The following CNTN4 variants were observed in gnomAD, a reference collection of about 807,000 sequenced individuals.
CNTN4 encodes contactin 4.
Under a neutral mutation model 122.5 loss-of-function variants are expected in CNTN4, and 77 were observed. The ratio of observed to expected loss-of-function variants is 0.63; its 90% CI spans 0.52 to 0.76. The LOEUF is 0.76. CNTN4 is among the 30% of genes least tolerant of loss of function. The pLI, the probability that CNTN4 is intolerant of heterozygous loss-of-function variation, is 0.00. For synonymous variants in CNTN4, 512 were observed against 447.0 expected, an observed-to-expected ratio of 1.15 and a Z score of -1.83; for missense variants, 1,256 against 1,259.1, an observed-to-expected ratio of 1.00 and a Z score of 0.04.
chr3:2,924,200 A>G (rs996310700), intron 12 of CNTN4, among the ~76,000 whole-genome samples: 4 of 152,144 alleles, frequency 2.6e-5, no homozygotes, highest in Non-Finnish European at 4.4e-5. Flanking sequence ...AAGTATTTCC[A>G]CAACAAAAGA....
chr3:2,936,666 G>A (rs559205723), intron 13 of CNTN4, among the ~76,000 whole-genome samples: 2 of 152,188 alleles, frequency 1.3e-5, no homozygotes, highest in South Asian at 2.1e-4. Flanking sequence ...GCCTGAGAAC[G>A]TGCTGTTCTC....
intron 13 of CNTN4, among the ~76,000 whole-genome samples, chr3:2,951,207 T>G (rs774024509): frequency 1.3e-5 from 2 of 152,208 alleles, no homozygotes; most frequent in Admixed American, 1.3e-4. Flanking sequence ...GGTCCCCTTT[T>G]TGGCACCAGG....
chr3:2,761,438 CTG>C (rs113454553), intron 6 of CNTN4, among the ~76,000 whole-genome samples: 5,367 of 92,586 alleles, frequency 0.058, 284 homozygotes, highest in African/African-American at 0.16. Context: ...TAAGTGTAAC[CTG>C]TGTGTGTGTG....
At chr3:2,110,835 T>TAAGA (rs1303941385) in intron 2 of CNTN4, among the ~76,000 whole-genome samples, 1 of 152,018 alleles carries the variant, frequency 6.6e-6, no homozygotes, top group Admixed American at 6.6e-5. Context: ...GTACTGAGAG[T>TAAGA]AAGATATCAC....
intron 2 of CNTN4, among the ~76,000 whole-genome samples, chr3:2,227,144 G>C (rs2039314746): frequency 6.6e-6 from 1 of 151,698 alleles, no homozygotes; most frequent in Non-Finnish European, 1.5e-5. Context: ...TAATTATTTG[G>C]GGACCAATGG....
intron 3 of CNTN4, among the ~76,000 whole-genome samples, chr3:2,498,784 C>G (rs1047832052): frequency 6.6e-6 from 1 of 151,752 alleles, no homozygotes; most frequent in Non-Finnish European, 1.5e-5. Context: ...AATTTTTCCT[C>G]TTATTGATGG....
chr3:2,764,237 C>T (rs1053906246), intron 6 of CNTN4, among the ~76,000 whole-genome samples: 12 of 152,026 alleles, frequency 7.9e-5, no homozygotes, highest in African/African-American at 2.9e-4. Flanking sequence ...ATGTGATCAC[C>T]AATTGAGACA....
intron 8 of CNTN4, among the ~76,000 whole-genome samples, chr3:2,867,746 C>T (rs1244125678): frequency 1.3e-5 from 2 of 151,858 alleles, no homozygotes; most frequent in African/African-American, 4.8e-5. Context: ...CCCAACCATG[C>T]TGCGTCAGGT....
intron 2 of CNTN4, among the ~76,000 whole-genome samples, chr3:2,111,147 G>C (rs1036650438): frequency 2.0e-5 from 3 of 152,026 alleles, no homozygotes; most frequent in African/African-American, 7.3e-5. Flanking sequence ...TTTAAATCCA[G>C]TGGTCAGAAT....
chr3:2,379,665 T>C (rs1468531052), intron 3 of CNTN4, among the ~76,000 whole-genome samples: 1 of 152,200 alleles, frequency 6.6e-6, no homozygotes, highest in East Asian at 1.9e-4. Context: ...TTTGAATCTG[T>C]TGTCATGACT....
intron 3 of CNTN4, among the ~76,000 whole-genome samples, chr3:2,525,500 C>T (rs2077369400): frequency 6.6e-6 from 1 of 151,970 alleles, no homozygotes; most frequent in Admixed American, 6.6e-5. Flanking sequence ...TAATGTGCTC[C>T]AAAATCAAAC....
At chr3:2,997,120 T>C (rs80190632) in intron 14 of CNTN4, among the ~76,000 whole-genome samples, 6,069 of 152,278 alleles carry the variant, frequency 0.04, 178 homozygotes, top group Non-Finnish European at 0.06. Flanking sequence ...AACTATGGAG[T>C]CTTTAAAAAT....
intron 2 of CNTN4, among the ~76,000 whole-genome samples, chr3:2,214,382 G>C (rs1315598349): frequency 3.9e-5 from 6 of 152,134 alleles, no homozygotes; most frequent in Non-Finnish European, 7.4e-5. Context: ...CTTCATGGTA[G>C]TCATCCATGA....
chr3:2,578,016 G>T (rs9859283), intron 4 of CNTN4, among the ~76,000 whole-genome samples: 2,657 of 152,200 alleles, frequency 0.017, 45 homozygotes, highest in African/African-American at 0.046. Context: ...GGCATGTAGT[G>T]GAGAAAGATC....
chr3:2,205,097 C>CA (rs1007482919), intron 2 of CNTN4, among the ~76,000 whole-genome samples: 6 of 151,708 alleles, frequency 4.0e-5, no homozygotes, highest in African/African-American at 1.2e-4. Context: ...GTCATGTAAA[C>CA]ACCAATTGTC....
intron 2 of CNTN4, among the ~76,000 whole-genome samples, chr3:2,273,685 G>C (rs1228162201): frequency 6.6e-6 from 1 of 152,100 alleles, no homozygotes; most frequent in African/African-American, 2.4e-5. Context: ...GTGAAGTTCT[G>C]CTTCCCACTT....
intron 3 of CNTN4, among the ~76,000 whole-genome samples, chr3:2,368,762 A>G (rs895782142): frequency 1.3e-5 from 2 of 152,200 alleles, no homozygotes; most frequent in Non-Finnish European, 2.9e-5. Flanking sequence ...TTATGACTAC[A>G]AAGCAAGAAA....
chr3:3,036,703 G>A (rs1699638045), intron 17 of CNTN4, among the ~76,000 whole-genome samples: 1 of 151,914 alleles, frequency 6.6e-6, no homozygotes, highest in African/African-American at 2.4e-5. Flanking sequence ...GGAGGTGGAG[G>A]TTGCAGTGAG....
At chr3:2,252,474 T>A (rs534827064) in intron 2 of CNTN4, among the ~76,000 whole-genome samples, 25 of 152,154 alleles carry the variant, frequency 1.6e-4, no homozygotes, top group African/African-American at 5.1e-4. Flanking sequence ...ACTGTGTTCT[T>A]TTTGCACTTC....
Sources: allele counts gnomAD v4.1 joint callset (sites outside exome capture counted in the v4.1 genomes callset), GRCh38; gene constraint gnomAD v4.1.1; transcripts MANE v1.5; gene names NCBI Gene and HGNC (gene_info 2026-07-23, HGNC 2026-07-21).